BRAF: variants seen among roughly 807,000 people sequenced by gnomAD.
BRAF encodes the protein B-Raf proto-oncogene, serine/threonine kinase.
A neutral mutation model predicts 104.6 loss-of-function variants in BRAF; 16 were observed. The observed-to-expected ratio is 0.15, with a 90% CI of 0.10 to 0.23. BRAF has a LOEUF of 0.23. Among genes scored for constraint, BRAF ranks in the 10% least tolerant of loss-of-function variants. BRAF has a pLI of 1.00. For synonymous variants in BRAF, 310 were observed against 341.6 expected (o/e 0.91, Z 1.02); for missense variants, 541 against 937.3 (o/e 0.58, Z 5.52).
chr7:140,919,194 C>T (rs1403680285), intron 1 of BRAF, among the ~76,000 whole-genome samples: 1 of 151,346 alleles, frequency 6.6e-6, no homozygotes. Flanking sequence ...AGAATGTTTT[C>T]GAAAAATTCT....
chr7:140,872,941 G>C (rs1811776112), intron 1 of BRAF, among the ~76,000 whole-genome samples: 1 of 152,084 alleles, frequency 6.6e-6, no homozygotes, highest in Non-Finnish European at 1.5e-5. Flanking sequence ...ACAAGAATCA[G>C]ATTGTTGTAT....
chr7:140,765,032 T>C (rs1202048546), intron 14 of BRAF, among the ~76,000 whole-genome samples: 1 of 152,146 alleles, frequency 6.6e-6, no homozygotes, highest in African/African-American at 2.4e-5. Flanking sequence ...GGCATCACAC[T>C]ACCTGACTGC....
In BRAF at chr7:140,872,245, T is replaced by TAAATAAATAAATAAATA. The variant is rs1219233574; in HGVS notation, c.139-22034_139-22033insTATTTATTTATTTATTT. Among the ~76,000 whole-genome samples, 8 of 127,382 alleles carry TAAATAAATAAATAAATA rather than the reference T, an allele frequency of 6.3e-5. No individual in the cohort carries two copies. The East Asian group carries it at 6.4e-4, about 10-fold the overall frequency. The allele number at this position is 127,382 out of a possible 152,430, so 83.6% of individuals were successfully genotyped here. A position where few individuals can be genotyped will look rare whatever the true frequency, so the allele number is the denominator to read the frequency against. On this transcript the variant is annotated intron_variant, in intron 1 of 19. Coordinates refer to ENST00000644969, the MANE Select transcript of BRAF (RefSeq NM_001374258.1). The stretch of plus-strand genomic sequence containing the variant: ...TAAATAAATAAATAAATAAATAAAT[T>TAAATAAATAAATAAATA]GCACAGAACAAGCTTGAAATTTAAA...
In BRAF at chr7:140,719,390, T is replaced by C. The variant is rs953184982; in HGVS notation, c.*7104A>G. On this transcript the variant is annotated 3_prime_UTR_variant, in exon 20 of 20. Coordinates refer to ENST00000644969, the MANE Select transcript of BRAF (RefSeq NM_001374258.1). ...TATTCGCATATTCACATCAAGTACA[T>C]AGAACTTTTTTTGCCTTTTATATAA... 38 of 1,008,706 alleles carry C rather than the reference T, an allele frequency of 3.8e-5. No individual in the cohort carries two copies. The highest frequency in any genetic ancestry group is 3.3e-4 in the South Asian group (7 of 21,238). 62.5% of individuals were successfully genotyped at this position (1,008,706 alleles called of 1,614,324 possible). A position where few individuals can be genotyped will look rare whatever the true frequency, so the allele number is the denominator to read the frequency against.
chr7:140,920,594 A>G (rs1471912022), intron 1 of BRAF, among the ~76,000 whole-genome samples: 1 of 152,234 alleles, frequency 6.6e-6, no homozygotes, highest in Non-Finnish European at 1.5e-5. Context: ...GTACAATTAA[A>G]TCAAGTTTGC....
At chr7:140,850,578 C>T (rs912623281) in intron 1 of BRAF, among the ~76,000 whole-genome samples, 3 of 152,130 alleles carry the variant, frequency 2.0e-5, no homozygotes, top group African/African-American at 7.2e-5. Context: ...AACATTAAGA[C>T]ATACATATAT....
intron 1 of BRAF, among the ~76,000 whole-genome samples, chr7:140,894,327 A>G (rs1234298497): frequency 6.6e-6 from 1 of 152,226 alleles, no homozygotes; most frequent in Non-Finnish European, 1.5e-5. Context: ...GAAAAGATAA[A>G]TAAAACAGAA....
chr7:140,904,986 T>C (rs1001410250), intron 1 of BRAF, among the ~76,000 whole-genome samples: 1 of 152,210 alleles, frequency 6.6e-6, no homozygotes, highest in African/African-American at 2.4e-5. Flanking sequence ...AGATCTTTAA[T>C]GAAAATGGAC....
intron 14 of BRAF, among the ~76,000 whole-genome samples, chr7:140,754,631 C>T (rs952625234): frequency 1.3e-5 from 2 of 152,280 alleles, no homozygotes; most frequent in Admixed American, 6.5e-5. Flanking sequence ...TCCACCTATT[C>T]ATATCCATCC....
intron 14 of BRAF, among the ~76,000 whole-genome samples, chr7:140,768,683 G>A (rs1460285280): frequency 6.6e-6 from 1 of 152,046 alleles, no homozygotes; most frequent in Non-Finnish European, 1.5e-5. Flanking sequence ...TTTTTGTAGA[G>A]ATGAGGTCTT....
intron 1 of BRAF, among the ~76,000 whole-genome samples, chr7:140,883,711 C>T (rs1042521109): frequency 5.3e-5 from 8 of 152,216 alleles, no homozygotes; most frequent in Non-Finnish European, 1.0e-4. Context: ...GATTTATCCA[C>T]AGACCTCTCT....
intron 1 of BRAF, among the ~76,000 whole-genome samples, chr7:140,902,829 G>T (rs1342720680): frequency 1.3e-5 from 2 of 150,804 alleles, no homozygotes; most frequent in Non-Finnish European, 2.9e-5. Flanking sequence ...CTGATATAAA[G>T]AAAGTTTTAG....
intron 14 of BRAF, among the ~76,000 whole-genome samples, chr7:140,765,390 C>T (rs1223303882): frequency 6.6e-6 from 1 of 151,984 alleles, no homozygotes; most frequent in Non-Finnish European, 1.5e-5. Context: ...TAGGCATGGG[C>T]AAGGACTTCA....
At chr7:140,859,446 T>G (rs1412982824) in intron 1 of BRAF, among the ~76,000 whole-genome samples, 1 of 152,210 alleles carries the variant, frequency 6.6e-6, no homozygotes, top group Non-Finnish European at 1.5e-5. Context: ...GAATTGTGTG[T>G]GCCTTAATAC....
chr7:140,853,411 G>C (rs1809414786), intron 1 of BRAF, among the ~76,000 whole-genome samples: 1 of 151,950 alleles, frequency 6.6e-6, no homozygotes, highest in South Asian at 2.1e-4. Flanking sequence ...TCATTCTCTT[G>C]CTCAAAACCC....
rs1393929702 is a variant in BRAF at position 140,721,651 on chromosome 7, G to T, written c.*4843C>A. On this transcript the variant is annotated 3_prime_UTR_variant, in exon 20 of 20. Transcript: ENST00000644969. Reference sequence around the variant, plus strand: ...CAGAGATGCTACTACCCTCTTCTGGGGCTCAACTACCGATGGGCATCAGTA... The same window carrying T: ...CAGAGATGCTACTACCCTCTTCTGGTGCTCAACTACCGATGGGCATCAGTA... 6.5e-6 allele frequency: 10 copies of T among 1,534,812 alleles called. No individual in the cohort carries two copies. The highest frequency in any genetic ancestry group is 7.9e-6 in the Non-Finnish European group (9 of 1,146,312).
rs889187395 is a variant in BRAF at position 140,757,298 on chromosome 7, A to AT, written c.1815-3066dup. 3.5e-3 allele frequency among the ~76,000 whole-genome samples: 526 copies of AT among 149,566 alleles called. 3 individuals carry two copies. Among genetic ancestry groups the AT allele is most frequent in the African/African-American group, 0.012 (493 of 40,850 alleles). On this transcript the variant is annotated intron_variant, in intron 14 of 19. Coordinates refer to ENST00000644969, the MANE Select transcript of BRAF (RefSeq NM_001374258.1). ...TTCTCTTTTTTTGGACTTGACTAGGATTTTTTTTTTGAGACAGAGTCTCAC... is the reference window on the plus strand; with the variant it reads ...TTCTCTTTTTTTGGACTTGACTAGGATTTTTTTTTTTGAGACAGAGTCTCAC...
chr7:140,900,947 G>A (rs1052003477), intron 1 of BRAF, among the ~76,000 whole-genome samples: 2 of 152,108 alleles, frequency 1.3e-5, no homozygotes, highest in Non-Finnish European at 2.9e-5. Flanking sequence ...ACGCTCCACA[G>A]GCTGGGCCTA....
intron 1 of BRAF, among the ~76,000 whole-genome samples, chr7:140,865,525 A>C (rs1586458459): frequency 6.6e-6 from 1 of 152,236 alleles, no homozygotes; most frequent in African/African-American, 2.4e-5. Flanking sequence ...TGTCAGGCCC[A>C]TATGATGAAA....
Sources: gnomAD v4.1 joint callset for allele counts (sites outside exome capture counted in the v4.1 genomes callset) on GRCh38, gnomAD v4.1.1 for gene constraint, MANE v1.5 for transcripts, NCBI Gene and HGNC (gene_info 2026-07-23, HGNC 2026-07-21) for gene names.